Variants in CYP2U1 observed in about 807,000 individuals in gnomAD.
CYP2U1 encodes cytochrome P450 family 2 subfamily U member 1, also known as cytochrome P450 2U1.
Under a neutral mutation model 42.8 loss-of-function variants are expected in CYP2U1, and 28 were observed. The observed-to-expected ratio is 0.65, with a 90% CI of 0.48 to 0.90. The LOEUF is 0.90. Ranked by LOEUF, CYP2U1 falls within the 40% of genes least tolerant of loss-of-function variation. CYP2U1 has a pLI of 0.00. For missense variants in CYP2U1, 642 were observed against 693.8 expected, an observed-to-expected ratio of 0.93 and a Z score of 0.84; for synonymous variants, 296 against 278.9, an observed-to-expected ratio of 1.06 and a Z score of -0.61.
chr4:107,943,907 A>G (rs964071081), intron 1 of CYP2U1, among the ~76,000 whole-genome samples: 1 of 152,248 alleles, frequency 6.6e-6, no homozygotes, highest in African/African-American at 2.4e-5. Flanking sequence ...ACAATTTGAT[A>G]CAACATCTGG....
In CYP2U1 at chr4:107,947,376, A is replaced by C. The variant is rs1458933981; in HGVS notation, c.1127A>C (p.Glu376Ala). 6.2e-7 allele frequency: 1 copy of C among 1,613,884 alleles called. No homozygotes were observed. Among genetic ancestry groups the C allele is most frequent in the Non-Finnish European group, 8.5e-7 (1 of 1,179,822 alleles). The change falls in exon 3 of 5, where the codon GAA becomes GCA. Residue 376 changes from glutamate (E) to alanine (A), a missense_variant and splice_region_variant. Glu to Ala is a moderately radical substitution (Grantham distance 107). Transcript: ENST00000332884. ...LYMSLNPDVQ[E>A]KVHEEIERVI... ...GGTTTATTTTTCCCTTTTTACATAGAAAAGGTTCATGAAGAAATTGAAAGA... is the reference window on the plus strand; with the variant it reads ...GGTTTATTTTTCCCTTTTTACATAGCAAAGGTTCATGAAGAAATTGAAAGA...
chr4:107,931,608 C>A lies in CYP2U1; in HGVS notation c.-36C>A. 6 of 1,248,546 alleles carry A rather than the reference C, an allele frequency of 4.8e-6. No homozygotes were observed. The highest frequency in any genetic ancestry group is 3.6e-5 in the South Asian group (1 of 27,698). The allele number at this position is 1,248,546 out of a possible 1,614,324, so 77.3% of individuals were successfully genotyped here. On this transcript the variant is annotated 5_prime_UTR_variant, in exon 1 of 5. Transcript: ENST00000332884. Reference sequence around the variant, plus strand: ...CAGCTGCGTGCGCGTCTCCTCCAGGCAGCAAGGGGAACCCGAGGCCGCCGG... The same window carrying A: ...CAGCTGCGTGCGCGTCTCCTCCAGGAAGCAAGGGGAACCCGAGGCCGCCGG...
intron 3 of CYP2U1, 149 bp downstream of exon 3, chr4:107,947,686 G>C: frequency 1.3e-6 from 1 of 790,678 alleles, no homozygotes; most frequent in Admixed American, 2.9e-5. Context: ...AATGTCTAGG[G>C]AATGTTCAGC....
At chr4:107,947,085 T>G (rs888578453) in intron 2 of CYP2U1, among the ~76,000 whole-genome samples, 5 of 152,208 alleles carry the variant, frequency 3.3e-5, no homozygotes, top group African/African-American at 1.2e-4. Flanking sequence ...CAATCCCATG[T>G]TCATAATGAG....
chr4:107,947,122 CAG>C (rs1733723205), intron 2 of CYP2U1, among the ~76,000 whole-genome samples: 1 of 152,144 alleles, frequency 6.6e-6, no homozygotes, highest in African/African-American at 2.4e-5. Context: ...CTCCTGAATC[CAG>C]AGTGTTTTCT....
intron 1 of CYP2U1, among the ~76,000 whole-genome samples, chr4:107,933,894 A>G (rs1479013245): frequency 1.3e-5 from 2 of 152,224 alleles, no homozygotes; most frequent in African/African-American, 4.8e-5. Flanking sequence ...TGGTGGAACC[A>G]ACAGATGTGG....
rs1014904062 is a variant in CYP2U1 at position 107,949,578 on chromosome 4, T to A, written c.1456+61T>A. 2.3e-6 allele frequency: 3 copies of A among 1,290,228 alleles called. No homozygotes were observed. The African/African-American group carries it at 4.6e-5, about 20-fold the overall frequency. The allele number at this position is 1,290,228 out of a possible 1,614,324, so 79.9% of individuals were successfully genotyped here. On this transcript the variant is annotated intron_variant, in intron 4 of 4. Transcript: ENST00000332884. ...AAGAAGTAGAACTAAAATAATATTT[T>A]ATTATTTCATGTTGTTTTAAAAATG... is the stretch of plus-strand genomic sequence containing the variant.
At chr4:107,950,012 G>C (rs910709794) in intron 4 of CYP2U1, among the ~76,000 whole-genome samples, 2 of 152,188 alleles carry the variant, frequency 1.3e-5, no homozygotes, top group African/African-American at 4.8e-5. Flanking sequence ...TCTAGTTCCT[G>C]TCTAGAATGG....
chr4:107,944,839 C>CATATATATATAT lies in CYP2U1; in HGVS notation c.491-130_491-119dup, dbSNP rs374845038. On this transcript the variant is annotated intron_variant, in intron 1 of 4. Coordinates refer to ENST00000332884, the MANE Select transcript of CYP2U1 (RefSeq NM_183075.3). ...TCTTGACTAGTGGTCTTTATATATA[C>CATATATATATAT]ATATATATATATTTATATGAGGAAT... The CATATATATATAT allele has an allele frequency of 1.6e-3, 101 of 64,104 alleles. 16 individuals carry two copies. Among genetic ancestry groups the CATATATATATAT allele is most frequent in the Middle Eastern group, 6.3e-3 (1 of 158 alleles). 4.0% of individuals were successfully genotyped at this position (64,104 alleles called of 1,614,324 possible).
chr4:107,933,490 C>T (rs530171973), intron 1 of CYP2U1, among the ~76,000 whole-genome samples: 75 of 152,228 alleles, frequency 4.9e-4, no homozygotes, highest in Non-Finnish European at 9.4e-4. Context: ...TTCAGTGGGG[C>T]ATTTAAAGTA....
intron 1 of CYP2U1, among the ~76,000 whole-genome samples, chr4:107,942,433 T>C (rs1160450035): frequency 6.6e-6 from 1 of 152,168 alleles, no homozygotes; most frequent in African/African-American, 2.4e-5. Context: ...GATTTTGAAG[T>C]TTTTGAAACA....
chr4:107,932,191 C>A, intron 1 of CYP2U1, 58 bp downstream of exon 1: 1 of 1,535,490 alleles, frequency 6.5e-7, no homozygotes, highest in Non-Finnish European at 8.7e-7. Flanking sequence ...TCTCCAGGTG[C>A]GTGGGGGCTG....
At chr4:107,937,666 C>G (rs1424023413) in intron 1 of CYP2U1, 1 of 152,010 alleles carries the variant, frequency 6.6e-6, no homozygotes, top group African/African-American at 2.4e-5. Context: ...CTGCACCACA[C>G]CTGGCTAATT....
At position 107,945,156 on chromosome 4, in the gene CYP2U1, A is replaced by G; in HGVS notation, c.677A>G (p.Asn226Ser). ...TTCTGCCCTTTCTCCATCATCAGCA[A>G]TGCCGTCTCTAACATCATTTGCTCC... ...DPFCPFSIIS[N>S]AVSNIICSLC... The change falls in exon 2 of 5, where the codon AAT (asparagine) becomes AGT (serine). Residue 226 changes from asparagine (N) to serine (S), a missense_variant. Physicochemically the swap from Asn to Ser is conservative, Grantham distance 46 (BLOSUM62 1). Transcript: ENST00000332884. 2 of 1,613,982 alleles carry G rather than the reference A, an allele frequency of 1.2e-6. No individual in the cohort carries two copies. The highest frequency in any genetic ancestry group is 1.6e-4 in the Middle Eastern group (1 of 6,062).
chr4:107,950,445 G>C lies in CYP2U1; in HGVS notation c.*22G>C, dbSNP rs1244815997. The C allele has an allele frequency of 6.3e-7, 1 of 1,587,260 alleles. No homozygotes were observed. The highest frequency in any genetic ancestry group is 1.4e-5 in the African/African-American group (1 of 73,140). On this transcript the variant is annotated 3_prime_UTR_variant, in exon 5 of 5. Transcript: ENST00000332884. ...ATGAAGAGCATCTCCAAGAAGAGAT[G>C]GTAAAAAGATATATAAATACATATC...
rs1453839788 is a variant in CYP2U1, at chr4:107,950,414, A to G, written c.1626A>G (p.Ser542=). The G allele has an allele frequency of 1.2e-6, 2 of 1,605,098 alleles. No individual in the cohort carries two copies. Among genetic ancestry groups the G allele is most frequent in the African/African-American group, 2.7e-5 (2 of 74,252 alleles). Residue 542 remains serine (S), a synonymous_variant, in exon 5 of 5, where the codon TCA becomes TCG. Transcript: ENST00000332884. Reference sequence around the variant, plus strand: ...CACATCCATTTAATATAACTATTTCAAGGAGATGAAGAGCATCTCCAAGAA... The same window carrying G: ...CACATCCATTTAATATAACTATTTCGAGGAGATGAAGAGCATCTCCAAGAA... ...LAPHPFNITI[S]RR
chr4:107,932,819 C>G (rs559687742), intron 1 of CYP2U1, among the ~76,000 whole-genome samples: 1 of 152,338 alleles, frequency 6.6e-6, no homozygotes, highest in South Asian at 2.1e-4. Flanking sequence ...TGTTAAATGC[C>G]TTTTCCTTGG....
chr4:107,950,369 AT>A lies in CYP2U1; in HGVS notation c.1584del (p.Phe528LeufsTer3). 6.2e-7 allele frequency: 1 copy of A among 1,613,990 alleles called. No individual in the cohort carries two copies. Among genetic ancestry groups the A allele is most frequent in the Non-Finnish European group, 8.5e-7 (1 of 1,179,980 alleles). ...CTAAGAAGCCCCTCCTGACTGGAAGATTTGGTCTAACTTTAGCCCCACATCC... is the reference window on the plus strand; with the variant it reads ...CTAAGAAGCCCCTCCTGACTGGAAGATTGGTCTAACTTTAGCCCCACATCC... Reference protein sequence around the residue: ...DSKKPLLTGRFGLTLAPHPFN... With the variant: ...DSKKPLLTGRXGLTLAPHPFN... On this transcript the variant is annotated frameshift_variant, in exon 5 of 5. Coordinates refer to ENST00000332884, the MANE Select transcript of CYP2U1 (RefSeq NM_183075.3). LOFTEE classifies it high-confidence loss of function.
chr4:107,943,111 T>G (rs1457109772), intron 1 of CYP2U1, among the ~76,000 whole-genome samples: 1 of 152,232 alleles, frequency 6.6e-6, no homozygotes, highest in Non-Finnish European at 1.5e-5. Flanking sequence ...TCTGACCCAC[T>G]GGTAACAATC....
Sources: gnomAD v4.1 joint callset for allele counts (sites outside exome capture counted in the v4.1 genomes callset) on GRCh38, gnomAD v4.1.1 for gene constraint, MANE v1.5 for transcripts, NCBI Gene and HGNC (gene_info 2026-07-23, HGNC 2026-07-21) for gene names.